The following EFHC2 variants were observed in gnomAD, a reference collection of about 807,000 sequenced individuals.
EFHC2 encodes the protein EF-hand domain containing 2.
In EFHC2, 18 loss-of-function variants were observed where a neutral mutation model predicts 52.7. The ratio of observed to expected loss-of-function variants is 0.34; its 90% CI spans 0.24 to 0.51. The LOEUF is 0.51. Ranked by LOEUF, EFHC2 falls within the 20% of genes least tolerant of loss-of-function variation. EFHC2 has a pLI of 0.97. For synonymous variants in EFHC2, 203 were observed against 204.1 expected, an observed-to-expected ratio of 0.99 and a Z score of 0.04; for missense variants, 513 against 562.5, an observed-to-expected ratio of 0.91 and a Z score of 0.89.
chrX:44,340,968 A>G (rs1200716377), intron 1 of EFHC2, among the ~76,000 whole-genome samples: 2 of 112,071 alleles, frequency 1.8e-5, no homozygotes, highest in African/African-American at 3.2e-5. Flanking sequence ...AAATAGTCAC[A>G]GTAAAACTAT....
chrX:44,148,975 G>A, intron 14 of EFHC2, 79 bp from the exon 15 acceptor site: 1 of 879,924 alleles, frequency 1.1e-6, no homozygotes, highest in Non-Finnish European at 1.6e-6. Flanking sequence ...CAGTTTATTT[G>A]CAAAGTGAAA....
At chrX:44,248,245 T>C in intron 7 of EFHC2, 27 bp downstream of exon 7, 1 of 1,085,114 alleles carries the variant, frequency 9.2e-7, no homozygotes, top group Non-Finnish European at 1.2e-6. Flanking sequence ...TTTAAAAATA[T>C]TTTTAATTGA....
chrX:44,239,818 G>C (rs2037346854), intron 8 of EFHC2, among the ~76,000 whole-genome samples: 1 of 111,755 alleles, frequency 8.9e-6, no homozygotes, highest in African/African-American at 3.2e-5. Flanking sequence ...ACAAAGAACA[G>C]AGTAACTAAT....
At chrX:44,281,294 A>G (rs1195412361) in intron 2 of EFHC2, among the ~76,000 whole-genome samples, 1 of 112,344 alleles carries the variant, frequency 8.9e-6, no homozygotes, top group Non-Finnish European at 1.9e-5. Context: ...AAGTGTAATG[A>G]AGGAAATCTA....
chrX:44,280,094 T>C (rs1468812873), intron 2 of EFHC2, among the ~76,000 whole-genome samples: 1 of 105,577 alleles, frequency 9.5e-6, no homozygotes, highest in African/African-American at 3.5e-5. Flanking sequence ...AGGGTGGGCC[T>C]AGGCATCAGT....
At chrX:44,248,686 T>C (rs1461710747) in intron 6 of EFHC2, 117 bp downstream of exon 6, 3 of 588,515 alleles carry the variant, frequency 5.1e-6, no homozygotes, top group Non-Finnish European at 8.2e-6. Flanking sequence ...TGCATACATT[T>C]ATGTATTCAT....
chrX:44,305,258 C>A, intron 2 of EFHC2, among the ~76,000 whole-genome samples: 1 of 109,113 alleles, frequency 9.2e-6, no homozygotes. Context: ...CGAGATTCCG[C>A]CTCAAAAAAA....
intron 3 of EFHC2, among the ~76,000 whole-genome samples, chrX:44,264,642 T>C (rs2037563666): frequency 8.9e-6 from 1 of 112,649 alleles, no homozygotes; most frequent in Non-Finnish European, 1.9e-5. Flanking sequence ...CACAATTCCA[T>C]ATTAATCAGA....
At chrX:44,330,618 C>A (rs1377606758) in intron 1 of EFHC2, among the ~76,000 whole-genome samples, 2 of 111,585 alleles carry the variant, frequency 1.8e-5, no homozygotes, top group East Asian at 5.7e-4. Flanking sequence ...TGCAGTGAGC[C>A]AAGATCATGC....
intron 14 of EFHC2, among the ~76,000 whole-genome samples, chrX:44,152,439 C>T (rs1191396701): frequency 9.0e-6 from 1 of 111,476 alleles, no homozygotes. Context: ...AGCTGGCTTT[C>T]GTCCTACATA....
At chrX:44,322,657 G>A (rs554239066) in intron 1 of EFHC2, among the ~76,000 whole-genome samples, 15 of 111,931 alleles carry the variant, frequency 1.3e-4, no homozygotes, top group African/African-American at 1.3e-4. Context: ...CCTGCTTCAC[G>A]AGACAGTGGT....
At chrX:44,265,299 T>C (rs1247909437) in intron 3 of EFHC2, among the ~76,000 whole-genome samples, 1 of 110,965 alleles carries the variant, frequency 9.0e-6, no homozygotes, top group Non-Finnish European at 1.9e-5. Context: ...TGAGACAGGG[T>C]CTCACATCAT....
intron 14 of EFHC2, among the ~76,000 whole-genome samples, chrX:44,150,129 T>C (rs940195627): frequency 8.9e-6 from 1 of 112,310 alleles, no homozygotes; most frequent in East Asian, 2.8e-4. Context: ...TCAAGGTTAA[T>C]TGTTGTATAT....
In EFHC2 at chrX:44,236,544, T is replaced by G. The variant is rs748612625; in HGVS notation, c.1281-1097A>C. ...AGTGATTTAAAAAATAAACCAAGTATTTCTGATTTGCAGAGGCAAAAAGTG... is the reference window on the plus strand; with the variant it reads ...AGTGATTTAAAAAATAAACCAAGTAGTTCTGATTTGCAGAGGCAAAAAGTG... On this transcript the variant is annotated intron_variant, in intron 8 of 14. Transcript: ENST00000420999. Among the ~76,000 whole-genome samples, 3 of 112,548 alleles carry G rather than the reference T, an allele frequency of 2.7e-5. No individual in the cohort carries two copies. In the East Asian group the frequency reaches 8.4e-4, roughly 32 times the overall value.
intron 4 of EFHC2, among the ~76,000 whole-genome samples, chrX:44,255,031 C>A (rs894877301): frequency 8.9e-6 from 1 of 111,802 alleles, no homozygotes; most frequent in African/African-American, 3.3e-5. Context: ...CTAAGCTTCA[C>A]AAGCAAGGGG....
At chrX:44,316,244 C>G (rs1178782853) in intron 1 of EFHC2, among the ~76,000 whole-genome samples, 1 of 111,923 alleles carries the variant, frequency 8.9e-6, no homozygotes, top group Non-Finnish European at 1.9e-5. Flanking sequence ...AGTCATGTCC[C>G]TGGTCAGGCT....
chrX:44,169,930 G>A (rs147980139), intron 13 of EFHC2, among the ~76,000 whole-genome samples: 379 of 112,116 alleles, frequency 3.4e-3, no homozygotes, highest in Non-Finnish European at 5.6e-3. Flanking sequence ...CATGTGCAGT[G>A]CACTCAATAT....
chrX:44,221,893 A>C (rs984263399), intron 11 of EFHC2, among the ~76,000 whole-genome samples: 1 of 111,763 alleles, frequency 8.9e-6, no homozygotes, highest in Non-Finnish European at 1.9e-5. Flanking sequence ...AACACTTCTT[A>C]ACTAGTTATT....
At chrX:44,341,424 T>C (rs2038151033) in intron 1 of EFHC2, among the ~76,000 whole-genome samples, 1 of 112,543 alleles carries the variant, frequency 8.9e-6, no homozygotes, top group Non-Finnish European at 1.9e-5. Context: ...TCAAGGGTGG[T>C]ATTTTTGGAG....
Sources: gnomAD v4.1 joint callset for allele counts (sites outside exome capture counted in the v4.1 genomes callset) on GRCh38, gnomAD v4.1.1 for gene constraint, MANE v1.5 for transcripts, NCBI Gene and HGNC (gene_info 2026-07-23, HGNC 2026-07-21) for gene names.